The following MYO10 variants were observed in gnomAD, a reference collection of about 807,000 sequenced individuals.
MYO10 encodes unconventional myosin-X.
A neutral mutation model predicts 257.3 loss-of-function variants in MYO10; 133 were observed. The ratio of observed to expected loss-of-function variants is 0.52; its 90% CI spans 0.45 to 0.60. The LOEUF is 0.60. Among genes scored for constraint, MYO10 ranks in the 20% least tolerant of loss-of-function variants. The pLI is 0.00. For missense variants in MYO10, 2,399 were observed against 2,635.7 expected (o/e 0.91, Z 1.97); for synonymous variants, 1,104 against 1,028.6 (o/e 1.07, Z -1.40).
chr5:16,725,809 G>A (rs1378269256), intron 19 of MYO10, among the ~76,000 whole-genome samples: 3 of 147,872 alleles, frequency 2.0e-5, no homozygotes, highest in Non-Finnish European at 4.4e-5. Flanking sequence ...TTTTTGTGAG[G>A]CGGAGTCTAG....
chr5:16,805,458 C>CAAAAAAAAAAAAAAAAAAA (rs36126574), intron 3 of MYO10, among the ~76,000 whole-genome samples: 3 of 78,342 alleles, frequency 3.8e-5, no homozygotes, highest in African/African-American at 5.0e-5. Flanking sequence ...GACTCCATCT[C>CAAAAAAAAAAAAAAAAAAA]AAAAAAAAAA....
intron 26 of MYO10, 93 bp downstream of exon 26, chr5:16,699,357 A>T (rs1380870655): frequency 1.4e-6 from 2 of 1,476,208 alleles, no homozygotes; most frequent in Non-Finnish European, 9.1e-7. Context: ...ATACAATAAC[A>T]CCTCCGTTAT....
intron 2 of MYO10, among the ~76,000 whole-genome samples, chr5:16,818,661 C>A (rs916254030): frequency 6.6e-6 from 1 of 151,708 alleles, no homozygotes; most frequent in Non-Finnish European, 1.5e-5. Flanking sequence ...TGGTCTCAAA[C>A]CCCTGGGCTC....
At chr5:16,900,430 G>T (rs1745345242) in intron 1 of MYO10, among the ~76,000 whole-genome samples, 1 of 152,160 alleles carries the variant, frequency 6.6e-6, no homozygotes, top group African/African-American at 2.4e-5. Flanking sequence ...ACTGTAGTGT[G>T]CCTGAACAGA....
At chr5:16,912,435 T>C (rs1370747509) in intron 1 of MYO10, among the ~76,000 whole-genome samples, 1 of 152,152 alleles carries the variant, frequency 6.6e-6, no homozygotes, top group Non-Finnish European at 1.5e-5. Context: ...TTTCCTTACC[T>C]GAGGCCCCAT....
chr5:16,864,486 G>A (rs1300752119), intron 2 of MYO10, among the ~76,000 whole-genome samples: 2 of 152,192 alleles, frequency 1.3e-5, no homozygotes, highest in Non-Finnish European at 2.9e-5. Flanking sequence ...TGTATTCAGA[G>A]CCTTGTGTAT....
chr5:16,775,934 C>T (rs896472995), intron 9 of MYO10, among the ~76,000 whole-genome samples: 3 of 151,760 alleles, frequency 2.0e-5, no homozygotes, highest in Non-Finnish European at 2.9e-5. Flanking sequence ...CTGGCCCTGT[C>T]GCCCAGGCTG....
chr5:16,857,300 C>A (rs1743986949), intron 2 of MYO10, among the ~76,000 whole-genome samples: 2 of 152,226 alleles, frequency 1.3e-5, no homozygotes, highest in African/African-American at 4.8e-5. Context: ...TGACACAATA[C>A]TGCTCAATAA....
At chr5:16,919,242 G>A (rs1561059362) in intron 1 of MYO10, among the ~76,000 whole-genome samples, 1 of 152,082 alleles carries the variant, frequency 6.6e-6, no homozygotes, top group African/African-American at 2.4e-5. Flanking sequence ...GCTGGTCGTG[G>A]TGGCAGGCGC....
chr5:16,862,742 C>T (rs955943945), intron 2 of MYO10, among the ~76,000 whole-genome samples: 3 of 152,162 alleles, frequency 2.0e-5, no homozygotes, highest in Non-Finnish European at 2.9e-5. Context: ...ACCAAAAATA[C>T]AAGACAGTAG....
intron 3 of MYO10, among the ~76,000 whole-genome samples, chr5:16,798,485 G>GA (rs113655164): frequency 0.073 from 10,908 of 148,612 alleles, 992 homozygotes; most frequent in African/African-American, 0.2. Flanking sequence ...ATGGAAGTTG[G>GA]AAAAAAAAAA....
intron 2 of MYO10, among the ~76,000 whole-genome samples, chr5:16,851,716 A>C (rs974191456): frequency 2.0e-5 from 3 of 152,172 alleles, no homozygotes; most frequent in Admixed American, 1.3e-4. Flanking sequence ...AAATGATGTC[A>C]ATTAATATAT....
At chr5:16,864,243 C>T (rs1287860027) in intron 2 of MYO10, among the ~76,000 whole-genome samples, 2 of 151,780 alleles carry the variant, frequency 1.3e-5, no homozygotes, top group African/African-American at 2.4e-5. Context: ...GAAGCATGCG[C>T]CATTCTGATG....
chr5:16,846,737 C>G (rs1165114410), intron 2 of MYO10, among the ~76,000 whole-genome samples: 3 of 152,232 alleles, frequency 2.0e-5, no homozygotes, highest in Non-Finnish European at 2.9e-5. Flanking sequence ...CCTAAGCAGG[C>G]TCATACATTC....
Position 16,721,065 on chromosome 5 carries a change from TAAAC to T in MYO10, c.1930-9824_1930-9821del, listed in dbSNP as rs1416818906. On this transcript the variant is annotated intron_variant, in intron 19 of 40. Transcript: ENST00000513610. ...CCTCTACCCCATTTAACTTTAAAAA[TAAAC>T]AACCTTATCTTCTGATAACCCCTCT... 3.3e-5 allele frequency among the ~76,000 whole-genome samples: 5 copies of T among 152,268 alleles called. No individual in the cohort carries two copies. In the East Asian group the frequency reaches 5.8e-4, roughly 18 times the overall value.
At chr5:16,707,602 C>T (rs1486538147) in intron 21 of MYO10, among the ~76,000 whole-genome samples, 1 of 152,184 alleles carries the variant, frequency 6.6e-6, no homozygotes, top group East Asian at 1.9e-4. Context: ...AAGTCTGACA[C>T]TGAAGTCCAG....
chr5:16,912,899 C>G (rs993084575), intron 1 of MYO10, among the ~76,000 whole-genome samples: 10 of 150,292 alleles, frequency 6.7e-5, no homozygotes, highest in African/African-American at 2.2e-4. Flanking sequence ...CAGGCTTTTT[C>G]TCTTAGTTTG....
chr5:16,696,332 T>C (rs1737743955), intron 26 of MYO10, among the ~76,000 whole-genome samples: 1 of 152,220 alleles, frequency 6.6e-6, no homozygotes, highest in Non-Finnish European at 1.5e-5. Context: ...TTTATGCCCA[T>C]AAAATATAAA....
intron 3 of MYO10, among the ~76,000 whole-genome samples, chr5:16,803,711 A>G (rs1742188546): frequency 6.6e-6 from 1 of 152,252 alleles, no homozygotes; most frequent in African/African-American, 2.4e-5. Context: ...AAAGCAAAAA[A>G]GGAAAGAATA....
Sources: allele counts gnomAD v4.1 joint callset (sites outside exome capture counted in the v4.1 genomes callset), GRCh38; gene constraint gnomAD v4.1.1; transcripts MANE v1.5; gene names NCBI Gene and HGNC (gene_info 2026-07-23, HGNC 2026-07-21).